Variants in PCDHGC5 observed in about 807,000 individuals in gnomAD.
PCDHGC5 encodes the protein protocadherin gamma subfamily C, 5, also known as protocadherin gamma-C5.
In PCDHGC5, 25 loss-of-function variants were observed where a neutral mutation model predicts 59.0. The observed-to-expected ratio is 0.42, with a 90% confidence interval of 0.31 to 0.59. The LOEUF is 0.59. Among genes scored for constraint, PCDHGC5 ranks in the 20% least tolerant of loss-of-function variants. The pLI, the probability that PCDHGC5 is intolerant of heterozygous loss-of-function variation, is 0.13. For missense variants in PCDHGC5, 1,067 were observed against 1,206.4 expected (o/e 0.88, Z 1.71); for synonymous variants, 434 against 505.5 (o/e 0.86, Z 1.90).
chr5:141,491,666 G>T lies in PCDHGC5; in HGVS notation c.2426G>T (p.Arg809Leu), dbSNP rs373526771. Reference protein sequence around the residue: ...TALALEPDAIRSRSNTLRERS... With the variant: ...TALALEPDAILSRSNTLRERS... Reference sequence around the variant, plus strand: ...CTGGCGCTGGAGCCTGACGCCATCCGGTCCCGCTCTAATACGCTGCGGGAG... The same window carrying T: ...CTGGCGCTGGAGCCTGACGCCATCCTGTCCCGCTCTAATACGCTGCGGGAG... The change falls in exon 1 of 4, where the codon CGG becomes CTG. Residue 809 changes from arginine to leucine, a missense_variant. Transcript: ENST00000252087. This position sits in a 1 kb window ranked among gnomAD's most constrained non-coding sequence, Gnocchi z 6.9. 1.2e-6 allele frequency: 2 copies of T among 1,613,732 alleles called. No homozygotes were observed. Among genetic ancestry groups the T allele is most frequent in the Non-Finnish European group, 1.7e-6 (2 of 1,180,008 alleles).
Position 141,511,132 on chromosome 5 carries a change from A to G in PCDHGC5, c.2794A>G (p.Asn932Asp). The change falls in exon 4 of 4, where the codon AAT (asparagine) becomes GAT (aspartate). Residue 932 changes from asparagine to aspartate, a missense_variant. Coordinates refer to ENST00000252087, the MANE Select transcript of PCDHGC5 (RefSeq NM_018929.3). ...GGATGGCAAGGCCCCAGCAGGTGGC[A>G]ATGGCAACAAGAAGAAGTCGGGCAA... ...KRDGKAPAGG[N>D]GNKKKSGKKE... is the part of the protein sequence containing the mutation. The G allele has an allele frequency of 6.2e-7, 1 of 1,614,218 alleles. No individual in the cohort carries two copies. Among genetic ancestry groups the G allele is most frequent in the Non-Finnish European group, 8.5e-7 (1 of 1,180,018 alleles).
Position 141,491,009 on chromosome 5 carries a change from C to A in PCDHGC5, c.1769C>A (p.Thr590Asn). The change falls in exon 1 of 4, where the codon ACC (threonine) becomes AAC (asparagine). Residue 590 changes from threonine to asparagine, a missense_variant. Thr to Asn is a moderately conservative substitution (Grantham distance 65, BLOSUM62 0). Transcript: ENST00000252087. This position sits in a 1 kb window ranked among gnomAD's most constrained non-coding sequence, Gnocchi z 6.9. The part of the protein sequence containing the change: ...PRSAPPGSLV[T>N]KVTAVDADAG... ...TCTGCTCCTCCTGGCTCCTTGGTCA[C>A]CAAGGTGACAGCCGTGGATGCTGAT... 4 of 1,614,140 alleles carry A rather than the reference C, an allele frequency of 2.5e-6. No homozygotes were observed. Among genetic ancestry groups the A allele is most frequent in the Non-Finnish European group, 3.4e-6 (4 of 1,180,038 alleles).
chr5:141,494,680 C>G (rs552351026), intron 1 of PCDHGC5, 127 bp from the exon 2 acceptor site: 2 of 1,560,096 alleles, frequency 1.3e-6, no homozygotes, highest in East Asian at 4.6e-5. Context: ...CCACCCCTGC[C>G]CCCTCTTAGT....
At chr5:141,495,286 A>T (rs1341490472) in intron 2 of PCDHGC5, among the ~76,000 whole-genome samples, 2 of 152,088 alleles carry the variant, frequency 1.3e-5, no homozygotes, top group Non-Finnish European at 2.9e-5. Context: ...GGCGGTCCGC[A>T]CTCAGCGCCT....
intron 3 of PCDHGC5, among the ~76,000 whole-genome samples, chr5:141,508,954 C>A (rs2154594435): frequency 6.6e-6 from 1 of 152,170 alleles, no homozygotes; most frequent in Admixed American, 6.5e-5. Context: ...AGAGAAATGT[C>A]AGCGGAATGA....
chr5:141,491,080 A>T lies in PCDHGC5; in HGVS notation c.1840A>T (p.Thr614Ser). Residue 614 changes from threonine (T) to serine (S), a missense_variant, in exon 1 of 4, where the codon ACA (threonine) becomes TCA (serine). By Grantham distance (58) the Thr-to-Ser change is moderately conservative (BLOSUM62 1). Transcript: ENST00000252087. This position sits in a 1 kb window ranked among gnomAD's most constrained non-coding sequence, Gnocchi z 6.9. ...WLSYSLLPQS[T>S]APGLFLVSTH... ...CTCCTACTCACTGTTGCCACAGTCC[A>T]CAGCCCCAGGACTGTTCCTCGTGTC... The T allele has an allele frequency of 6.2e-7, 1 of 1,614,116 alleles. No individual in the cohort carries two copies. Among genetic ancestry groups the T allele is most frequent in the Non-Finnish European group, 8.5e-7 (1 of 1,179,994 alleles).
intron 2 of PCDHGC5, among the ~76,000 whole-genome samples, chr5:141,497,076 C>T (rs1052240279): frequency 5.9e-5 from 9 of 151,826 alleles, no homozygotes; most frequent in Non-Finnish European, 8.8e-5. Context: ...GTAATCCCAG[C>T]GACTTAGGAG....
At chr5:141,507,450 CAG>C (rs940460926) in intron 3 of PCDHGC5, among the ~76,000 whole-genome samples, 3 of 152,168 alleles carry the variant, frequency 2.0e-5, no homozygotes, top group African/African-American at 7.2e-5. Flanking sequence ...GACGGAAGGA[CAG>C]AGAGAGAGGT....
intron 3 of PCDHGC5, among the ~76,000 whole-genome samples, chr5:141,509,065 T>A (rs1294546432): frequency 6.6e-6 from 1 of 152,018 alleles, no homozygotes; most frequent in Non-Finnish European, 1.5e-5. Context: ...AGCTCTCAGC[T>A]CCGGGGATTT....
intron 2 of PCDHGC5, among the ~76,000 whole-genome samples, chr5:141,503,077 T>C (rs902429288): frequency 6.6e-6 from 1 of 151,810 alleles, no homozygotes; most frequent in African/African-American, 2.4e-5. Flanking sequence ...ATGGTCTCGA[T>C]CTCCTGACCT....
chr5:141,511,265 A>C lies in PCDHGC5; in HGVS notation c.*92A>C. The C allele has an allele frequency of 6.4e-7, 1 of 1,551,730 alleles. No individual in the cohort carries two copies. Among genetic ancestry groups the C allele is most frequent in the Non-Finnish European group, 8.7e-7 (1 of 1,148,178 alleles). ...ACCCAGGCCTCAGAGTTTCAGGGCT[A>C]ACCCCCAGAATACTGGTAGGGGCCA... On this transcript the variant is annotated 3_prime_UTR_variant, in exon 4 of 4. Coordinates refer to ENST00000252087, the MANE Select transcript of PCDHGC5 (RefSeq NM_018929.3).
At chr5:141,497,479 G>A (rs1028715475) in intron 2 of PCDHGC5, among the ~76,000 whole-genome samples, 5 of 151,886 alleles carry the variant, frequency 3.3e-5, no homozygotes, top group Non-Finnish European at 7.4e-5. Flanking sequence ...GAGAAGGTGC[G>A]GAACCTCTCT....
chr5:141,504,824 C>T (rs537283013), intron 2 of PCDHGC5, among the ~76,000 whole-genome samples: 4 of 152,230 alleles, frequency 2.6e-5, no homozygotes, highest in South Asian at 4.1e-4. Context: ...TAGGTCCCCA[C>T]TTTTTCTCTA....
Position 141,511,908 on chromosome 5 carries a change from A to T in PCDHGC5, c.*735A>T, listed in dbSNP as rs528200582. The T allele has an allele frequency of 4.5e-5, 7 of 156,536 alleles. No homozygotes were observed. The highest frequency in any genetic ancestry group is 1.9e-4 in the East Asian group (1 of 5,250). The allele number at this position is 156,536 out of a possible 1,614,324, so 9.7% of individuals were successfully genotyped here. A position where few individuals can be genotyped will look rare whatever the true frequency, so the allele number is the denominator to read the frequency against. On this transcript the variant is annotated 3_prime_UTR_variant, in exon 4 of 4. Transcript: ENST00000252087. ...GACTTCCCCCACCTCCTCCTCAAAC[A>T]AGAGACTCCACTGCATGTTCCAAGA...
At position 141,493,323 on chromosome 5, in the gene PCDHGC5, C is replaced by T. The variant is rs542332335; in HGVS notation, c.2461-1484C>T. Among the ~76,000 whole-genome samples the T allele has an allele frequency of 6.6e-6, 1 of 152,294 alleles. No homozygotes were observed. The highest frequency in any genetic ancestry group is 6.5e-5 in the Admixed American group (1 of 15,300). On this transcript the variant is annotated intron_variant, in intron 1 of 3. Transcript: ENST00000252087. The surrounding 1 kb of genome is among the most constrained non-coding windows in gnomAD (Gnocchi z 4.3). ...AGAGCAAGTAAGAGAGATTCTAACC[C>T]CTGTCTAACTCCAGAATGTGTGCTT...
At chr5:141,499,397 T>A (rs1171838687) in intron 2 of PCDHGC5, among the ~76,000 whole-genome samples, 2 of 152,122 alleles carry the variant, frequency 1.3e-5, no homozygotes, top group African/African-American at 4.8e-5. Flanking sequence ...AAATAGTACA[T>A]GCTCATTATA....
At chr5:141,510,311 C>T (rs375516156) in intron 3 of PCDHGC5, among the ~76,000 whole-genome samples, 98 of 151,056 alleles carry the variant, frequency 6.5e-4, no homozygotes, top group African/African-American at 2.3e-3. Flanking sequence ...GAAATGGAGG[C>T]TTGGAAGAGC....
At chr5:141,496,733 C>T (rs1221912777) in intron 2 of PCDHGC5, among the ~76,000 whole-genome samples, 12 of 152,138 alleles carry the variant, frequency 7.9e-5, no homozygotes, top group African/African-American at 9.7e-5. Context: ...TGTATTCATT[C>T]GTTCATTTAT....
rs750139205 is a variant in PCDHGC5 at position 141,489,738 on chromosome 5, T to C, written c.498T>C (p.Thr166=). Reference sequence around the variant, plus strand: ...AGGATCCGGATGTGGGCACCAATACTGTGAGCTTTTACACTCTAAGCCCCA... The same window carrying C: ...AGGATCCGGATGTGGGCACCAATACCGTGAGCTTTTACACTCTAAGCCCCA... ...SAQDPDVGTN[T]VSFYTLSPNS... Residue 166 remains threonine, a synonymous_variant, in exon 1 of 4, where the codon ACT becomes ACC. Coordinates refer to ENST00000252087, the MANE Select transcript of PCDHGC5 (RefSeq NM_018929.3). This position sits in a 1 kb window ranked among gnomAD's most constrained non-coding sequence, Gnocchi z 4.5. 1 of 1,614,168 alleles carries C rather than the reference T, an allele frequency of 6.2e-7. No individual in the cohort carries two copies. Among genetic ancestry groups the C allele is most frequent in the Non-Finnish European group, 8.5e-7 (1 of 1,180,030 alleles).
Sources: allele counts gnomAD v4.1 joint callset (sites outside exome capture counted in the v4.1 genomes callset), GRCh38; gene constraint gnomAD v4.1.1; non-coding constraint Gnocchi (gnomAD v3.1); transcripts MANE v1.5; gene names NCBI Gene and HGNC (gene_info 2026-07-23, HGNC 2026-07-21).